Variants in RPAP3 observed in about 807,000 individuals in gnomAD.
The protein encoded by RPAP3 is RNA polymerase II associated protein 3, also known as RNA polymerase II-associated protein 3.
In RPAP3, 58 loss-of-function variants were observed where a neutral mutation model predicts 88.8. The observed-to-expected ratio is 0.65, with a 90% CI of 0.53 to 0.81. The LOEUF (loss-of-function observed/expected upper bound fraction) is 0.81. Among genes scored for constraint, RPAP3 ranks in the 40% least tolerant of loss-of-function variants. The pLI is 0.00. For missense variants in RPAP3, 751 were observed against 764.3 expected, an observed-to-expected ratio of 0.98 and a Z score of 0.20; for synonymous variants, 255 against 259.9, an observed-to-expected ratio of 0.98 and a Z score of 0.18.
At chr12:47,697,754 T>C in intron 3 of RPAP3, 35 bp from the exon 4 acceptor site, 1 of 1,552,924 alleles carries the variant, frequency 6.4e-7, no homozygotes, top group Non-Finnish European at 8.7e-7. Context: ...GGGTCATAAT[T>C]ATATGATTAG....
At chr12:47,689,742 T>C (rs762296864) in intron 6 of RPAP3, among the ~76,000 whole-genome samples, 1 of 151,990 alleles carries the variant, frequency 6.6e-6, no homozygotes, top group Non-Finnish European at 1.5e-5. Flanking sequence ...AAGTTGTATA[T>C]CATAAAACCA....
chr12:47,696,493 G>T, intron 4 of RPAP3, 90 bp from the exon 5 acceptor site: 1 of 796,720 alleles, frequency 1.3e-6, no homozygotes. Context: ...GAAGTGCATG[G>T]GTCCACTTAA....
At chr12:47,705,291 G>A (rs1042795887) in intron 1 of RPAP3, among the ~76,000 whole-genome samples, 20 of 152,166 alleles carry the variant, frequency 1.3e-4, no homozygotes, top group African/African-American at 4.3e-4. Context: ...GATGCAGATA[G>A]GTCTTCTGAC....
At chr12:47,701,627 A>G (rs1204758245) in intron 2 of RPAP3, 23 bp from the exon 3 acceptor site, 1 of 1,557,764 alleles carries the variant, frequency 6.4e-7, no homozygotes, top group Admixed American at 2.0e-5. Flanking sequence ...AAAAAAACAC[A>G]AAGTTGTGAG....
At chr12:47,691,041 T>C (rs1455334067) in intron 5 of RPAP3, among the ~76,000 whole-genome samples, 1 of 152,222 alleles carries the variant, frequency 6.6e-6, no homozygotes, top group Non-Finnish European at 1.5e-5. Context: ...ATATTTATCT[T>C]TGTGCTGTTG....
intron 6 of RPAP3, 29 bp downstream of exon 6, chr12:47,690,485 TAAAG>T: frequency 1.9e-6 from 3 of 1,563,454 alleles, no homozygotes; most frequent in Non-Finnish European, 2.6e-6. Context: ...ATAACACTGT[TAAAG>T]AATTCTTTAG....
intron 9 of RPAP3, among the ~76,000 whole-genome samples, chr12:47,684,391 GAC>G (rs1284589583): frequency 2.0e-5 from 3 of 152,142 alleles, no homozygotes; most frequent in Admixed American, 6.5e-5. Flanking sequence ...GCTCTAATTT[GAC>G]ACAGTTTATA....
chr12:47,677,475 T>C (rs912443131), intron 12 of RPAP3, among the ~76,000 whole-genome samples: 18 of 152,084 alleles, frequency 1.2e-4, no homozygotes, highest in Non-Finnish European at 2.2e-4. Context: ...GATGACATGA[T>C]TGTATATTTA....
Position 47,663,493 on chromosome 12 carries a change from CA to C in RPAP3, c.*11del, listed in dbSNP as rs760859417. The C allele has an allele frequency of 1.1e-5, 17 of 1,543,318 alleles. No homozygotes were observed. Among genetic ancestry groups the C allele is most frequent in the Non-Finnish European group, 1.5e-5 (17 of 1,134,798 alleles). On this transcript the variant is annotated 3_prime_UTR_variant, in exon 17 of 17. Transcript: ENST00000005386. ...TGAAAGTCAAAAACAATTATTTCAG[CA>C]AAAATGGAAATCAACCACCGTATCT...
chr12:47,703,181 T>G (rs890148600), intron 1 of RPAP3, among the ~76,000 whole-genome samples: 1 of 152,206 alleles, frequency 6.6e-6, no homozygotes, highest in African/African-American at 2.4e-5. Flanking sequence ...CTTTATTTCT[T>G]TTTCTTCCAA....
At chr12:47,676,706 A>G (rs1939123226) in intron 12 of RPAP3, among the ~76,000 whole-genome samples, 1 of 152,214 alleles carries the variant, frequency 6.6e-6, no homozygotes, top group Admixed American at 6.5e-5. Context: ...AAGAAGTTCA[A>G]TCTCTGAATA....
chr12:47,663,239 A>AT lies in RPAP3; in HGVS notation c.*265dup, dbSNP rs1938795174. 7.7e-6 allele frequency: 2 copies of AT among 260,946 alleles called. No homozygotes were observed. The highest frequency in any genetic ancestry group is 4.5e-5 in the African/African-American group (2 of 44,630). 16.2% of individuals were successfully genotyped at this position (260,946 alleles called of 1,614,324 possible). A position where few individuals can be genotyped will look rare whatever the true frequency, so the allele number is the denominator to read the frequency against. On this transcript the variant is annotated 3_prime_UTR_variant, in exon 17 of 17. Transcript: ENST00000005386. ...ATGGGTCACTGAAGAATGTATCTAA[A>AT]TTTAACATTTAAAATGACTCATAAA...
At position 47,686,770 on chromosome 12, in the gene RPAP3, C is replaced by G; in HGVS notation, c.992+10G>C. The stretch of plus-strand genomic sequence containing the variant: ...ATCCTGAACAGCACTAAAATGTAAC[C>G]AATACTTACTTCTGAATCTTCAGAT... On this transcript the variant is annotated intron_variant, in intron 9 of 16. Coordinates refer to ENST00000005386, the MANE Select transcript of RPAP3 (RefSeq NM_024604.3). The G allele has an allele frequency of 6.6e-7, 1 of 1,524,316 alleles. No individual in the cohort carries two copies. The highest frequency in any genetic ancestry group is 8.8e-7 in the Non-Finnish European group (1 of 1,137,062). The allele number at this position is 1,524,316 out of a possible 1,614,324, so 94.4% of individuals were successfully genotyped here.
chr12:47,682,889 A>G lies in RPAP3; in HGVS notation c.993-1072T>C, dbSNP rs114678431. 8.8e-3 allele frequency among the ~76,000 whole-genome samples: 1,345 copies of G among 152,268 alleles called. 22 individuals are homozygous for G. Among genetic ancestry groups the G allele is most frequent in the African/African-American group, 0.03 (1,235 of 41,542 alleles). ...AATGTTATTTTCTACTTGCCTGATT[A>G]TATCATTCAAGATACCTGCATGGCC... On this transcript the variant is annotated intron_variant, in intron 9 of 16. Coordinates refer to ENST00000005386, the MANE Select transcript of RPAP3 (RefSeq NM_024604.3).
chr12:47,703,244 AACAAG>A (rs1184800172), intron 1 of RPAP3, among the ~76,000 whole-genome samples: 1 of 152,224 alleles, frequency 6.6e-6, no homozygotes, highest in Non-Finnish European at 1.5e-5. Context: ...GGGATGCAAA[AACAAG>A]ACAAGGTCCC....
In RPAP3 at chr12:47,669,091, C is replaced by A. The variant is rs1374053570; in HGVS notation, c.1538G>T (p.Ser513Ile). The part of the protein sequence containing the change: ...SDTSSLQPQA[S>I]LKQDVCQSYS... ...AGACTGACATACATCCTGCTTCAAACTGGCTTGAGGTCTGAAATATTTCAG... is the reference window on the plus strand; with the variant it reads ...AGACTGACATACATCCTGCTTCAAAATGGCTTGAGGTCTGAAATATTTCAG... The change falls in exon 14 of 17, where the codon AGT becomes ATT. Residue 513 changes from serine to isoleucine, a missense_variant. Coordinates refer to ENST00000005386, the MANE Select transcript of RPAP3 (RefSeq NM_024604.3). 1 of 1,613,166 alleles carries A rather than the reference C, an allele frequency of 6.2e-7. No individual in the cohort carries two copies. The highest frequency in any genetic ancestry group is 1.1e-5 in the South Asian group (1 of 91,012).
At chr12:47,704,421 T>A (rs1324875949) in intron 1 of RPAP3, among the ~76,000 whole-genome samples, 1 of 152,038 alleles carries the variant, frequency 6.6e-6, no homozygotes, top group Admixed American at 6.5e-5. Context: ...CAGGCTGGAG[T>A]GCAGTGGCGC....
At position 47,662,804 on chromosome 12, in the gene RPAP3, T is replaced by C. The variant is rs972567346; in HGVS notation, c.*701A>G. On this transcript the variant is annotated 3_prime_UTR_variant, in exon 17 of 17. Coordinates refer to ENST00000005386, the MANE Select transcript of RPAP3 (RefSeq NM_024604.3). ...AAACGCTACACTCACATCCAACAAA[T>C]ACATATGGGCTATATGCTAATTAGT... The C allele has an allele frequency of 1.3e-5, 2 of 152,258 alleles. No individual in the cohort carries two copies. The highest frequency in any genetic ancestry group is 4.8e-5 in the African/African-American group (2 of 41,438). 9.4% of individuals were successfully genotyped at this position (152,258 alleles called of 1,614,324 possible). A position where few individuals can be genotyped will look rare whatever the true frequency, so the allele number is the denominator to read the frequency against.
At chr12:47,677,736 G>A (rs530127077) in intron 12 of RPAP3, among the ~76,000 whole-genome samples, 5 of 152,210 alleles carry the variant, frequency 3.3e-5, no homozygotes, top group Non-Finnish European at 7.4e-5. Flanking sequence ...ACTGCTCAAC[G>A]AAATAAAAGA....
Sources: allele counts gnomAD v4.1 joint callset (sites outside exome capture counted in the v4.1 genomes callset), GRCh38; gene constraint gnomAD v4.1.1; transcripts MANE v1.5; gene names NCBI Gene and HGNC (gene_info 2026-07-23, HGNC 2026-07-21).